The following HDAC9 variants were observed in gnomAD, a reference collection of about 807,000 sequenced individuals.
The protein encoded by HDAC9 is MEF-2 interacting transcription repressor (MITR) protein.
HDAC9 carries 41 observed loss-of-function variants against 139.4 expected under a neutral mutation model. The observed-to-expected ratio is 0.29, with a 90% CI of 0.23 to 0.38. The LOEUF (loss-of-function observed/expected upper bound fraction) is 0.38, where lower values mean the gene tolerates loss of function less well. Ranked by LOEUF, HDAC9 falls within the 10% of genes least tolerant of loss-of-function variation. The pLI, the probability that HDAC9 is intolerant of heterozygous loss-of-function variation, is 1.00. For missense variants in HDAC9, 1,147 were observed against 1,297.0 expected, an observed-to-expected ratio of 0.88 and a Z score of 1.78; for synonymous variants, 517 against 476.2, an observed-to-expected ratio of 1.09 and a Z score of -1.12.
At chr7:18,187,122 T>C (rs183048213) in intron 2 of HDAC9, among the ~76,000 whole-genome samples, 5 of 152,366 alleles carry the variant, frequency 3.3e-5, no homozygotes, top group Admixed American at 3.3e-4. Context: ...GAGTACCTAC[T>C]ATGTCCCTGG....
chr7:18,683,693 G>A (rs1782051040), intron 12 of HDAC9, among the ~76,000 whole-genome samples: 2 of 152,068 alleles, frequency 1.3e-5, no homozygotes, highest in Admixed American at 1.3e-4. Flanking sequence ...TGAGTGAGCT[G>A]TTGTATTTTT....
At chr7:18,400,550 C>A (rs75922820) in intron 1 of HDAC9, among the ~76,000 whole-genome samples, 1 of 152,020 alleles carries the variant, frequency 6.6e-6, no homozygotes, top group Non-Finnish European at 1.5e-5. Context: ...AGAGGATAGC[C>A]GGGAGGTATG....
chr7:18,778,858 C>G (rs1401663011), intron 16 of HDAC9, among the ~76,000 whole-genome samples: 1 of 152,042 alleles, frequency 6.6e-6, no homozygotes, highest in Non-Finnish European at 1.5e-5. Context: ...TAAAGAGTGA[C>G]TAGAAATTGC....
chr7:18,674,230 T>C (rs1398133752), intron 12 of HDAC9, among the ~76,000 whole-genome samples: 1 of 152,058 alleles, frequency 6.6e-6, no homozygotes, highest in Non-Finnish European at 1.5e-5. Flanking sequence ...GTGCTCTCAT[T>C]GCAATAGCCC....
intron 2 of HDAC9, among the ~76,000 whole-genome samples, chr7:18,269,927 A>C (rs1191692151): frequency 6.6e-6 from 1 of 152,104 alleles, no homozygotes; most frequent in Non-Finnish European, 1.5e-5. Context: ...TGATAGAGAT[A>C]AGCAGTCCAC....
intron 1 of HDAC9, among the ~76,000 whole-genome samples, chr7:18,413,806 G>C (rs548154249): frequency 6.6e-6 from 1 of 152,150 alleles, no homozygotes; most frequent in East Asian, 1.9e-4. Context: ...GGTGTTTTTT[G>C]CTGCCTAAAA....
intron 2 of HDAC9, among the ~76,000 whole-genome samples, chr7:18,189,727 C>T (rs1421938247): frequency 2.0e-5 from 3 of 152,156 alleles, no homozygotes; most frequent in African/African-American, 7.2e-5. Flanking sequence ...TTTGTCATAT[C>T]TGAGACCTCC....
At chr7:18,214,383 G>A (rs1196526541) in intron 2 of HDAC9, among the ~76,000 whole-genome samples, 1 of 152,046 alleles carries the variant, frequency 6.6e-6, no homozygotes, top group Non-Finnish European at 1.5e-5. Flanking sequence ...CATGCCTCTG[G>A]CCATCTTCAT....
At chr7:18,131,330 A>G (rs537654181) in intron 1 of HDAC9, among the ~76,000 whole-genome samples, 170 of 152,262 alleles carry the variant, frequency 1.1e-3, no homozygotes, top group South Asian at 4.1e-3. Context: ...TGATTGATTG[A>G]TAACTAATAG....
chr7:18,679,127 T>C (rs1365108315), intron 12 of HDAC9, among the ~76,000 whole-genome samples: 1 of 151,956 alleles, frequency 6.6e-6, no homozygotes, highest in African/African-American at 2.4e-5. Context: ...AACTAATTCT[T>C]AGTCCTGTAT....
chr7:18,114,401 T>C (rs1374325275), intron 1 of HDAC9, among the ~76,000 whole-genome samples: 1 of 152,218 alleles, frequency 6.6e-6, no homozygotes, highest in Non-Finnish European at 1.5e-5. Context: ...GAATGACTGT[T>C]GTTAGCCAAT....
At chr7:18,893,050 A>AAG (rs1554395096) in intron 22 of HDAC9, among the ~76,000 whole-genome samples, 27 of 149,012 alleles carry the variant, frequency 1.8e-4, no homozygotes, top group African/African-American at 6.3e-4. Flanking sequence ...AAAAAAAAAA[A>AAG]AAAAGAAAAG....
At chr7:18,887,542 A>G (rs1356266090) in intron 22 of HDAC9, among the ~76,000 whole-genome samples, 1 of 152,188 alleles carries the variant, frequency 6.6e-6, no homozygotes, top group Non-Finnish European at 1.5e-5. Flanking sequence ...CAAATGAGGT[A>G]ATGGACCTAA....
chr7:18,308,092 C>A (rs1304831949), intron 1 of HDAC9, among the ~76,000 whole-genome samples: 1 of 152,260 alleles, frequency 6.6e-6, no homozygotes, highest in South Asian at 2.1e-4. Context: ...TGTTTTCAAA[C>A]TCAAATGTAA....
At chr7:18,743,048 T>G (rs1187331348) in intron 13 of HDAC9, among the ~76,000 whole-genome samples, 2 of 152,252 alleles carry the variant, frequency 1.3e-5, no homozygotes, top group Non-Finnish European at 2.9e-5. Flanking sequence ...ATTTTCTTCA[T>G]AATATCCGTA....
intron 2 of HDAC9, among the ~76,000 whole-genome samples, chr7:18,563,209 C>T (rs17139319): frequency 0.026 from 3,977 of 152,066 alleles, 108 homozygotes; most frequent in African/African-American, 0.075. Flanking sequence ...TCAATGTGGC[C>T]GTAATAGTGC....
intron 25 of HDAC9, among the ~76,000 whole-genome samples, chr7:18,993,899 T>TA (rs1036551840): frequency 1.4e-4 from 21 of 152,160 alleles, no homozygotes; most frequent in African/African-American, 5.1e-4. Context: ...ATAAGTGGTT[T>TA]ATTCCAAAAA....
chr7:18,746,797 C>A (rs1031448020), intron 13 of HDAC9, among the ~76,000 whole-genome samples: 2 of 152,162 alleles, frequency 1.3e-5, no homozygotes, highest in Non-Finnish European at 2.9e-5. Flanking sequence ...ATCATCTGCA[C>A]TCTCAAAGAT....
rs184344196 is a variant in HDAC9 at position 18,939,200 on chromosome 7, G to T, written c.2937+3258G>T. On this transcript the variant is annotated intron_variant, in intron 23 of 25. Coordinates refer to ENST00000686413, the MANE Select transcript of HDAC9 (RefSeq NM_178425.4). The stretch of plus-strand genomic sequence containing the variant: ...TTTCAATATAAACTAAAGGAAGGGA[G>T]GTTTAAATAATGTATGCTTTTCTAT... Among the ~76,000 whole-genome samples the T allele has an allele frequency of 2.0e-5, 3 of 152,194 alleles. No individual in the cohort carries two copies. In the East Asian group the frequency reaches 5.8e-4, roughly 29 times the overall value.
Sources: gnomAD v4.1 joint callset for allele counts (sites outside exome capture counted in the v4.1 genomes callset) on GRCh38, gnomAD v4.1.1 for gene constraint, MANE v1.5 for transcripts, NCBI Gene and HGNC (gene_info 2026-07-23, HGNC 2026-07-21) for gene names.